RGS9: variants seen among roughly 807,000 people sequenced by gnomAD.
The protein encoded by RGS9 is regulator of G-protein signalling 9.
RGS9 carries 78 observed loss-of-function variants against 102.0 expected under a neutral mutation model. The ratio of observed to expected loss-of-function variants is 0.76; its 90% CI spans 0.64 to 0.92. The LOEUF is 0.92. Among genes scored for constraint, RGS9 ranks in the 40% least tolerant of loss-of-function variants. RGS9 has a pLI of 0.00. For missense variants in RGS9, 833 were observed against 866.1 expected, an observed-to-expected ratio of 0.96 and a Z score of 0.48; for synonymous variants, 353 against 318.6, an observed-to-expected ratio of 1.11 and a Z score of -1.15.
At chr17:65,190,832 T>G (rs16960977) in intron 11 of RGS9, among the ~76,000 whole-genome samples, 5,391 of 152,256 alleles carry the variant, frequency 0.035, 153 homozygotes, top group African/African-American at 0.077. Flanking sequence ...GGACTGCATT[T>G]CTAACTCTGG....
chr17:65,208,540 C>T (rs1297329349), intron 16 of RGS9, among the ~76,000 whole-genome samples: 1 of 152,140 alleles, frequency 6.6e-6, no homozygotes, highest in African/African-American at 2.4e-5. Flanking sequence ...AGATGTGGAT[C>T]ATCTCATCTG....
chr17:65,152,521 C>A (rs117534908), intron 1 of RGS9, among the ~76,000 whole-genome samples: 1 of 152,104 alleles, frequency 6.6e-6, no homozygotes, highest in Non-Finnish European at 1.5e-5. Context: ...AGGGTTGAAA[C>A]GCTGTCATTT....
At chr17:65,156,214 G>T (rs1484545714) in intron 2 of RGS9, among the ~76,000 whole-genome samples, 1 of 152,122 alleles carries the variant, frequency 6.6e-6, no homozygotes, top group Non-Finnish European at 1.5e-5. Flanking sequence ...GTAGAGATGA[G>T]ATTTCACTAT....
At position 65,213,502 on chromosome 17, in the gene RGS9, GTGAGGGTGGTGGTGAGCATGTTGT is replaced by G. The variant is rs563932023; in HGVS notation, c.1407+2914_1407+2937del. ...AGATGACATACCCAGCAGCCTGGTG[GTGAGGGTGGTGGTGAGCATGTTGT>G]TGAGGGTGGTGGTGAGTGTGGTGGT... On this transcript the variant is annotated intron_variant, in intron 17 of 18. Coordinates refer to ENST00000262406, the MANE Select transcript of RGS9 (RefSeq NM_003835.4). 5.3e-3 allele frequency among the ~76,000 whole-genome samples: 802 copies of G among 152,168 alleles called. 6 individuals carry two copies. Among genetic ancestry groups the G allele is most frequent in the African/African-American group, 0.018 (767 of 41,514 alleles).
intron 16 of RGS9, 117 bp from the exon 17 acceptor site, chr17:65,210,371 A>C (rs376164408): frequency 7.7e-7 from 1 of 1,290,788 alleles, no homozygotes. Flanking sequence ...TGGAAAAAGG[A>C]GGGAACAAAA....
rs757561217 is a variant in RGS9 at position 65,153,451 on chromosome 17, C to G, written c.87C>G (p.Asn29Lys). 5.6e-6 allele frequency: 9 copies of G among 1,614,028 alleles called. No homozygotes were observed. Among genetic ancestry groups the G allele is most frequent in the Non-Finnish European group, 4.2e-6 (5 of 1,179,998 alleles). ...KIEALVKDMQ[N>K]PETGVRMQNQ... ...AAGCGCTCGTGAAGGACATGCAGAA[C>G]CCAGAGACAGGGGTCCGAATGCAGA... Residue 29 changes from asparagine (N) to lysine (K), a missense_variant, in exon 2 of 19, where the codon AAC (asparagine) becomes AAG (lysine). Asn to Lys is a moderately conservative substitution (Grantham distance 94, BLOSUM62 0). This residue lies in a region of RGS9 where 328 missense variants were observed against 340.6 expected (regional missense o/e 0.96). Coordinates refer to ENST00000262406, the MANE Select transcript of RGS9 (RefSeq NM_003835.4).
At chr17:65,200,871 T>A (rs939888088) in intron 13 of RGS9, among the ~76,000 whole-genome samples, 15 of 152,204 alleles carry the variant, frequency 9.9e-5, no homozygotes, top group African/African-American at 3.6e-4. Context: ...GTATCATGAA[T>A]CCATAAAATA....
chr17:65,211,203 CG>C (rs1233286252), intron 17 of RGS9, among the ~76,000 whole-genome samples: 4 of 152,166 alleles, frequency 2.6e-5, no homozygotes, highest in Non-Finnish European at 5.9e-5. Context: ...TCTGAGGATC[CG>C]CCGAGGGGCT....
chr17:65,225,248 T>G lies in RGS9; in HGVS notation c.1654T>G (p.Ser552Ala). Residue 552 changes from serine to alanine, a missense_variant, in exon 18 of 19, where the codon TCT becomes GCT. Physicochemically the swap from Ser to Ala is moderately conservative, Grantham distance 99. Coordinates refer to ENST00000262406, the MANE Select transcript of RGS9 (RefSeq NM_003835.4). The part of the protein sequence containing the change: ...CSGSMAPRGP[S>A]VTESSEASLD... ...CGGGTCCATGGCCCCCCGTGGGCCC[T>G]CTGTCACCGAGAGCAGCGAGGCCTC... is the stretch of plus-strand genomic sequence containing the variant. The G allele has an allele frequency of 6.2e-7, 1 of 1,609,468 alleles. No individual in the cohort carries two copies. The highest frequency in any genetic ancestry group is 8.5e-7 in the Non-Finnish European group (1 of 1,179,888).
chr17:65,224,534 C>A (rs1021704261), intron 17 of RGS9, among the ~76,000 whole-genome samples: 2 of 152,230 alleles, frequency 1.3e-5, no homozygotes, highest in African/African-American at 4.8e-5. Context: ...AAGGCATGAG[C>A]TGGGACTTCT....
At position 65,153,419 on chromosome 17, in the gene RGS9, C is replaced by T. The variant is rs769445811; in HGVS notation, c.58-3C>T. 1 of 1,613,092 alleles carries T rather than the reference C, an allele frequency of 6.2e-7. No individual in the cohort carries two copies. Among genetic ancestry groups the T allele is most frequent in the Non-Finnish European group, 8.5e-7 (1 of 1,179,032 alleles). The stretch of plus-strand genomic sequence containing the variant: ...GTCGGCTTTTTCCTGTTCTGTCTTG[C>T]AGATTGAAGCGCTCGTGAAGGACAT... On this transcript the variant is annotated splice_region_variant and splice_polypyrimidine_tract_variant and intron_variant, in intron 1 of 18. Coordinates refer to ENST00000262406, the MANE Select transcript of RGS9 (RefSeq NM_003835.4).
At chr17:65,201,637 G>A (rs1053232422) in intron 13 of RGS9, among the ~76,000 whole-genome samples, 3 of 152,210 alleles carry the variant, frequency 2.0e-5, no homozygotes, top group East Asian at 1.9e-4. Flanking sequence ...AACCTCTGGG[G>A]GGTGATATGA....
chr17:65,205,770 GATATAGGTTATGTGATATAGATTATGTA>G (rs1196211149), intron 15 of RGS9, among the ~76,000 whole-genome samples: 11 of 151,902 alleles, frequency 7.2e-5, no homozygotes, highest in African/African-American at 2.4e-4. Flanking sequence ...TACATTATAT[GATATAGGTTATGTGATATAGATTATGTA>G]ATATAGGTTA....
intron 8 of RGS9, among the ~76,000 whole-genome samples, chr17:65,171,483 C>T (rs1276959957): frequency 6.6e-6 from 1 of 152,216 alleles, no homozygotes; most frequent in Non-Finnish European, 1.5e-5. Context: ...GGAGGCCCCA[C>T]CCGTGGTCCC....
intron 9 of RGS9, among the ~76,000 whole-genome samples, chr17:65,183,204 C>A (rs952217239): frequency 1.3e-5 from 2 of 152,156 alleles, no homozygotes; most frequent in African/African-American, 4.8e-5. Flanking sequence ...ACCACTGCAA[C>A]CTCCGCCTCC....
chr17:65,226,882 T>G (rs1221169906), intron 18 of RGS9, among the ~76,000 whole-genome samples: 1 of 152,184 alleles, frequency 6.6e-6, no homozygotes, highest in Non-Finnish European at 1.5e-5. Flanking sequence ...CTCAAAGTGC[T>G]AAGATTACAG....
At chr17:65,210,092 C>A (rs925674) in intron 16 of RGS9, among the ~76,000 whole-genome samples, 34,257 of 151,932 alleles carry the variant, frequency 0.23, 6,352 homozygotes, top group African/African-American at 0.51. Flanking sequence ...GCCCACCCCC[C>A]AACCGCCCCA....
chr17:65,206,468 G>A (rs553106463), intron 15 of RGS9, among the ~76,000 whole-genome samples: 28 of 152,116 alleles, frequency 1.8e-4, no homozygotes, highest in African/African-American at 5.8e-4. Context: ...TCACGAGGTC[G>A]GGAGTTTGAG....
chr17:65,190,353 G>A (rs1912321545), intron 11 of RGS9, 117 bp downstream of exon 11: 11 of 855,480 alleles, frequency 1.3e-5, no homozygotes, highest in Non-Finnish European at 1.8e-5. Flanking sequence ...AGAACTGTGA[G>A]GGACAAAACC....
Sources: gnomAD v4.1 joint callset for allele counts (sites outside exome capture counted in the v4.1 genomes callset) on GRCh38, gnomAD v4.1.1 for gene constraint, gnomAD v4.1.1 regional missense constraint, MANE v1.5 for transcripts, NCBI Gene and HGNC (gene_info 2026-07-23, HGNC 2026-07-21) for gene names.